Variants in PHKA1 observed in about 807,000 individuals in gnomAD.
PHKA1 encodes the protein phosphorylase kinase regulatory subunit alpha 1, also known as phosphorylase b kinase regulatory subunit alpha, skeletal muscle isoform.
In PHKA1, 60 loss-of-function variants were observed where a neutral mutation model predicts 110.2. The ratio of observed to expected loss-of-function variants is 0.54; its 90% confidence interval spans 0.44 to 0.68. PHKA1 has a LOEUF of 0.68. PHKA1 is among the 30% of genes least tolerant of loss of function. The pLI, the probability that PHKA1 is intolerant of heterozygous loss-of-function variation, is 0.00. For missense variants in PHKA1, 801 were observed against 942.5 expected (o/e 0.85, Z 1.97); for synonymous variants, 316 against 333.6 (o/e 0.95, Z 0.58).
chrX:72,596,070 A>G (rs1224903809), intron 28 of PHKA1, among the ~76,000 whole-genome samples: 1 of 112,322 alleles, frequency 8.9e-6, no homozygotes, highest in East Asian at 2.8e-4. Flanking sequence ...ACTGAATGGC[A>G]AAAGAAAATC....
chrX:72,707,643 G>C (rs1276515589), intron 2 of PHKA1, among the ~76,000 whole-genome samples: 1 of 108,627 alleles, frequency 9.2e-6, no homozygotes, highest in Non-Finnish European at 1.9e-5. Context: ...GTGTGTGTGT[G>C]TGTGTGTGTG....
chrX:72,619,445 A>G (rs1285255382), intron 19 of PHKA1, 140 bp from the exon 20 acceptor site: 2 of 447,580 alleles, frequency 4.5e-6, no homozygotes, highest in African/African-American at 4.9e-5. Flanking sequence ...TCTTGGTAAT[A>G]TCAAAGAAAA....
chrX:72,626,541 TAC>T (rs1556282990), intron 17 of PHKA1, among the ~76,000 whole-genome samples: 1 of 111,420 alleles, frequency 9.0e-6, no homozygotes, highest in Non-Finnish European at 1.9e-5. Context: ...TTATCGAAGA[TAC>T]AGTTAGCCCC....
intron 6 of PHKA1, among the ~76,000 whole-genome samples, chrX:72,669,358 TTGTTG>T (rs2053652101): frequency 1.8e-5 from 2 of 110,638 alleles, no homozygotes; most frequent in African/African-American, 3.3e-5. Context: ...TTTTTTTTTG[TTGTTG>T]TTGTTGTTGT....
intron 3 of PHKA1, among the ~76,000 whole-genome samples, chrX:72,704,380 T>C (rs1431591880): frequency 1.8e-5 from 2 of 111,645 alleles, no homozygotes; most frequent in Non-Finnish European, 3.8e-5. Flanking sequence ...TACAGAGATA[T>C]TAATGTTTCT....
chrX:72,656,299 C>G, intron 9 of PHKA1, 57 bp from the exon 10 acceptor site: 2 of 1,136,036 alleles, frequency 1.8e-6, no homozygotes, highest in Non-Finnish European at 2.4e-6. Flanking sequence ...ATATCTTTAG[C>G]TCAGAGGTAT....
chrX:72,651,059 C>G (rs1556298882), intron 12 of PHKA1, among the ~76,000 whole-genome samples: 1 of 112,013 alleles, frequency 8.9e-6, no homozygotes, highest in Non-Finnish European at 1.9e-5. Flanking sequence ...ATTCCTCTAT[C>G]TTCTCTGGAT....
intron 15 of PHKA1, among the ~76,000 whole-genome samples, chrX:72,635,776 A>T (rs997034862): frequency 4.5e-5 from 5 of 111,885 alleles, no homozygotes; most frequent in African/African-American, 1.6e-4. Flanking sequence ...ATAAACACAT[A>T]CAATCAGGTT....
intron 16 of PHKA1, among the ~76,000 whole-genome samples, chrX:72,631,049 C>T (rs909805062): frequency 1.6e-4 from 5 of 31,532 alleles, no homozygotes; most frequent in Non-Finnish European, 1.6e-4. Flanking sequence ...TGGGTGATTT[C>T]TACAGTTCTG....
intron 16 of PHKA1, among the ~76,000 whole-genome samples, 186 bp downstream of exon 16, chrX:72,634,969 T>C (rs1359847049): frequency 5.3e-5 from 6 of 112,473 alleles, no homozygotes; most frequent in African/African-American, 1.9e-4. Flanking sequence ...GGAAACCTCA[T>C]CTGCCTTATT....
At chrX:72,685,910 T>C (rs2053961974) in intron 4 of PHKA1, among the ~76,000 whole-genome samples, 1 of 111,971 alleles carries the variant, frequency 8.9e-6, no homozygotes, top group African/African-American at 3.2e-5. Flanking sequence ...ACAGATGTGT[T>C]GGTTTAATGG....
intron 5 of PHKA1, among the ~76,000 whole-genome samples, chrX:72,681,668 G>A (rs2053876454): frequency 1.2e-5 from 1 of 86,902 alleles, no homozygotes; most frequent in Non-Finnish European, 2.3e-5. Context: ...CCGGGAGGGA[G>A]ATGGGGGGGT....
intron 29 of PHKA1, among the ~76,000 whole-genome samples, chrX:72,591,406 T>C (rs1340776909): frequency 9.1e-6 from 1 of 109,651 alleles, no homozygotes; most frequent in Non-Finnish European, 1.9e-5. Context: ...ACACCAGGTC[T>C]GTCATGGGGT....
rs782485511 is a variant in PHKA1, at chrX:72,588,959, TCCAGGAC to T, written c.3243+4138_3243+4144del. 1.7e-3 allele frequency among the ~76,000 whole-genome samples: 191 copies of T among 111,261 alleles called. 1 individual carries two copies. The highest frequency in any genetic ancestry group is 0.014 in the Middle Eastern group (3 of 217). On this transcript the variant is annotated intron_variant, in intron 29 of 31. Transcript: ENST00000373542. Reference sequence around the variant, plus strand: ...TAATAGCCTACCAACCAAAAAAAAGTCCAGGACCAGAGGGATTCACAGCCGAATTCTA... The same window carrying T: ...TAATAGCCTACCAACCAAAAAAAAGTCAGAGGGATTCACAGCCGAATTCTA...
At chrX:72,681,789 C>T (rs1258328039) in intron 5 of PHKA1, among the ~76,000 whole-genome samples, 1 of 48,242 alleles carries the variant, frequency 2.1e-5, no homozygotes, top group Non-Finnish European at 3.5e-5. Context: ...CCCAGCCGCC[C>T]CTACTGGGAA....
At chrX:72,698,342 T>A (rs1160039405) in intron 3 of PHKA1, among the ~76,000 whole-genome samples, 1 of 112,555 alleles carries the variant, frequency 8.9e-6, no homozygotes, top group Non-Finnish European at 1.9e-5. Flanking sequence ...TTAAATCAGA[T>A]ACTAAAAAAG....
chrX:72,700,102 T>C (rs1291728030), intron 3 of PHKA1, among the ~76,000 whole-genome samples: 1 of 112,202 alleles, frequency 8.9e-6, no homozygotes, highest in Non-Finnish European at 1.9e-5. Context: ...TAATCAAGGT[T>C]AAACTTTATA....
At position 72,603,722 on chromosome X, in the gene PHKA1, G is replaced by A. The variant is rs1023175035; in HGVS notation, c.2816-502C>T. Among the ~76,000 whole-genome samples, 3 of 111,282 alleles carry A rather than the reference G, an allele frequency of 2.7e-5. No individual in the cohort carries two copies. In the Admixed American group the frequency reaches 2.9e-4, roughly 11 times the overall value. The stretch of plus-strand genomic sequence containing the variant: ...ATTTATTAAAAGTAGACTACATGCA[G>A]GTCATCATTTTAAGTAACATTTGTG... On this transcript the variant is annotated intron_variant, in intron 25 of 31. Coordinates refer to ENST00000373542, the MANE Select transcript of PHKA1 (RefSeq NM_002637.4).
At position 72,645,879 on chromosome X, in the gene PHKA1, G is replaced by T. The variant is rs1245788511; in HGVS notation, c.1325-1383C>A. Among the ~76,000 whole-genome samples, 4 of 112,039 alleles carry T rather than the reference G, an allele frequency of 3.6e-5. No individual in the cohort carries two copies. The South Asian group carries it at 1.5e-3, about 42-fold the overall frequency. On this transcript the variant is annotated intron_variant, in intron 13 of 31. Transcript: ENST00000373542. ...CACCTAGGTAGTGTGGGGTTGGGAG[G>T]AGTAGTATCAGGAAAGGCTTCTGCA... is the stretch of plus-strand genomic sequence containing the variant.
Sources: allele counts gnomAD v4.1 joint callset (sites outside exome capture counted in the v4.1 genomes callset), GRCh38; gene constraint gnomAD v4.1.1; transcripts MANE v1.5; gene names NCBI Gene and HGNC (gene_info 2026-07-23, HGNC 2026-07-21).